Variants in MGAT5 observed in about 807,000 individuals in gnomAD.
MGAT5 encodes alpha-1,6-mannosylglycoprotein 6-beta-N-acetylglucosaminyltransferase.
A neutral mutation model predicts 94.3 loss-of-function variants in MGAT5; 30 were observed. The observed-to-expected ratio is 0.32, with a 90% CI of 0.24 to 0.43. MGAT5 has a LOEUF of 0.43. Ranked by LOEUF, MGAT5 falls within the 20% of genes least tolerant of loss-of-function variation. The probability of loss-of-function intolerance (pLI) is 1.00; values close to 1 mark genes in which losing one functional copy is unlikely to be tolerated. For missense variants in MGAT5, 691 were observed against 905.5 expected, an observed-to-expected ratio of 0.76 and a Z score of 3.04; for synonymous variants, 310 against 322.9, an observed-to-expected ratio of 0.96 and a Z score of 0.43.
chr2:134,418,571 C>T (rs1684103611), intron 12 of MGAT5, among the ~76,000 whole-genome samples: 1 of 152,168 alleles, frequency 6.6e-6, no homozygotes, highest in South Asian at 2.1e-4. Context: ...TTTCCAGGAG[C>T]TCCAAATCTG....
chr2:134,234,001 G>T (rs911193379), intron 1 of MGAT5, among the ~76,000 whole-genome samples: 1 of 152,196 alleles, frequency 6.6e-6, no homozygotes, highest in Non-Finnish European at 1.5e-5. Context: ...CTTCTGAGGT[G>T]TATCTCTGAG....
At chr2:134,411,707 C>G (rs1558867164) in intron 11 of MGAT5, among the ~76,000 whole-genome samples, 1 of 152,186 alleles carries the variant, frequency 6.6e-6, no homozygotes, top group Non-Finnish European at 1.5e-5. Flanking sequence ...TCAATTAGAG[C>G]AGCTGCTAAG....
chr2:134,176,205 T>C (rs1037873040), intron 1 of MGAT5, among the ~76,000 whole-genome samples: 3 of 151,440 alleles, frequency 2.0e-5, no homozygotes, highest in Non-Finnish European at 2.9e-5. Context: ...GCAGGAAGGA[T>C]TGGGAAGGGG....
intron 8 of MGAT5, among the ~76,000 whole-genome samples, chr2:134,345,955 T>C (rs1345279034): frequency 1.3e-5 from 2 of 152,136 alleles, no homozygotes; most frequent in Non-Finnish European, 2.9e-5. Flanking sequence ...CTTTAAAAAA[T>C]CAATTTTAAA....
chr2:134,147,957 G>A (rs1687000354), intron 1 of MGAT5, among the ~76,000 whole-genome samples: 1 of 152,182 alleles, frequency 6.6e-6, no homozygotes, highest in South Asian at 2.1e-4. Flanking sequence ...TTGTTGCAGA[G>A]ATCTCTAAAT....
chr2:134,196,608 C>G (rs1679507097), intron 1 of MGAT5, among the ~76,000 whole-genome samples: 1 of 152,222 alleles, frequency 6.6e-6, no homozygotes, highest in South Asian at 2.1e-4. Context: ...TAATGATAGT[C>G]GATGCTTGTA....
chr2:134,382,167 G>A (rs1681669643), intron 10 of MGAT5, among the ~76,000 whole-genome samples: 1 of 151,888 alleles, frequency 6.6e-6, no homozygotes, highest in South Asian at 2.1e-4. Context: ...AAGCAGGAGG[G>A]TCACTTGAAG....
At chr2:134,241,285 T>C (rs1681958642) in intron 1 of MGAT5, among the ~76,000 whole-genome samples, 1 of 152,248 alleles carries the variant, frequency 6.6e-6, no homozygotes, top group Non-Finnish European at 1.5e-5. Context: ...AATTCCCCAC[T>C]ATGGTTTCTT....
At chr2:134,241,837 G>A (rs926626199) in intron 1 of MGAT5, among the ~76,000 whole-genome samples, 6 of 152,256 alleles carry the variant, frequency 3.9e-5, no homozygotes, top group African/African-American at 1.2e-4. Context: ...GGGCAAAGCC[G>A]ACCTAGAGCA....
At chr2:134,213,971 G>A (rs1036430074) in intron 1 of MGAT5, among the ~76,000 whole-genome samples, 1 of 152,028 alleles carries the variant, frequency 6.6e-6, no homozygotes, top group African/African-American at 2.4e-5. Flanking sequence ...TTTAGGGGTG[G>A]GACTGAAAGT....
chr2:134,170,424 A>G (rs1688149394), intron 1 of MGAT5, among the ~76,000 whole-genome samples: 1 of 152,332 alleles, frequency 6.6e-6, no homozygotes, highest in African/African-American at 2.4e-5. Context: ...TGGATTTGTA[A>G]TGACTGTGGG....
chr2:134,225,588 G>A (rs568350862), intron 1 of MGAT5, among the ~76,000 whole-genome samples: 1 of 152,030 alleles, frequency 6.6e-6, no homozygotes, highest in South Asian at 2.1e-4. Flanking sequence ...CTTTCTGTGG[G>A]TATTCACGTT....
At chr2:134,296,654 C>T (rs1685692386) in intron 2 of MGAT5, among the ~76,000 whole-genome samples, 2 of 152,068 alleles carry the variant, frequency 1.3e-5, no homozygotes, top group Non-Finnish European at 2.9e-5. Context: ...TTTCTGCAGA[C>T]ATTGTAATCT....
rs772791138 is a variant in MGAT5, at chr2:134,362,331, A to G, written c.1303A>G (p.Ser435Gly). Residue 435 changes from serine to glycine, a missense_variant, in exon 10 of 16, where the codon AGT becomes GGT. By Grantham distance (56) the Ser-to-Gly change is moderately conservative. This residue lies in a region of MGAT5 where 121 missense variants were observed against 206.1 expected (regional missense o/e 0.59). Coordinates refer to ENST00000281923, the MANE Select transcript of MGAT5 (RefSeq NM_002410.5). ...TGTGGTTGAGCAGCACCTGAACTCCAGTGATATCCACCACATTAATGAAAT... is the reference window on the plus strand; with the variant it reads ...TGTGGTTGAGCAGCACCTGAACTCCGGTGATATCCACCACATTAATGAAAT... ...GFVVEQHLNSSDIHHINEIKR... is the reference protein window; with the variant it reads ...GFVVEQHLNSGDIHHINEIKR... 1 of 1,613,994 alleles carries G rather than the reference A, an allele frequency of 6.2e-7. No individual in the cohort carries two copies. Among genetic ancestry groups the G allele is most frequent in the African/African-American group, 1.3e-5 (1 of 74,928 alleles).
At chr2:134,305,925 C>T (rs1324543969) in intron 2 of MGAT5, among the ~76,000 whole-genome samples, 1 of 152,140 alleles carries the variant, frequency 6.6e-6, no homozygotes, top group East Asian at 1.9e-4. Flanking sequence ...TTTTTAATGT[C>T]TCCCACCTAT....
intron 1 of MGAT5, among the ~76,000 whole-genome samples, chr2:134,234,304 A>G (rs571757856): frequency 2.0e-5 from 3 of 152,344 alleles, no homozygotes; most frequent in African/African-American, 7.2e-5. Context: ...ACCAGCAGCC[A>G]TCTTTATTAA....
At chr2:134,433,483 TA>T (rs1309679378) in intron 14 of MGAT5, among the ~76,000 whole-genome samples, 2 of 152,194 alleles carry the variant, frequency 1.3e-5, no homozygotes, top group Non-Finnish European at 2.9e-5. Context: ...TTTGCATGTG[TA>T]GAGATAATCC....
intron 10 of MGAT5, among the ~76,000 whole-genome samples, chr2:134,387,314 ATATATATATATATATATATTT>A (rs1326419616): frequency 6.8e-5 from 3 of 43,842 alleles, no homozygotes; most frequent in African/African-American, 2.8e-4. Flanking sequence ...ATATATATAT[ATATATATATATATATATATTT>A]TTTTTTTTTT....
chr2:134,246,167 TAAA>T (rs11378452), intron 1 of MGAT5, among the ~76,000 whole-genome samples: 1 of 130,524 alleles, frequency 7.7e-6, no homozygotes. Context: ...TTCCTGTTTA[TAAA>T]AAAAAAAAAA....
Sources: allele counts gnomAD v4.1 joint callset (sites outside exome capture counted in the v4.1 genomes callset), GRCh38; gene constraint gnomAD v4.1.1; regional missense constraint gnomAD v4.1.1; transcripts MANE v1.5; gene names NCBI Gene and HGNC (gene_info 2026-07-23, HGNC 2026-07-21).